KDM3A: variants seen among roughly 807,000 people sequenced by gnomAD.
The protein encoded by KDM3A is lysine demethylase 3A, also known as lysine-specific demethylase 3A.
In KDM3A, 60 loss-of-function variants were observed where a neutral mutation model predicts 158.0. That is an observed-to-expected ratio of 0.38 (90% CI 0.31 to 0.47). The LOEUF is 0.47. Ranked by LOEUF, KDM3A falls within the 20% of genes least tolerant of loss-of-function variation. The pLI, the probability that KDM3A is intolerant of heterozygous loss-of-function variation, is 0.99. For missense variants in KDM3A, 1,319 were observed against 1,574.3 expected, an observed-to-expected ratio of 0.84 and a Z score of 2.74; for synonymous variants, 608 against 549.3, an observed-to-expected ratio of 1.11 and a Z score of -1.49.
rs762229054 is a variant in KDM3A at position 86,442,099 on chromosome 2, C to T, written c.52C>T (p.Leu18Phe). 3.7e-6 allele frequency: 6 copies of T among 1,614,036 alleles called. No individual in the cohort carries two copies. Among genetic ancestry groups the T allele is most frequent in the African/African-American group, 2.7e-5 (2 of 74,930 alleles). The change falls in exon 2 of 26, where the codon CTC becomes TTC. Residue 18 changes from leucine (L) to phenylalanine (F), a missense_variant. By Grantham distance (22) the Leu-to-Phe change is conservative (BLOSUM62 0). Coordinates refer to ENST00000312912, the MANE Select transcript of KDM3A (RefSeq NM_018433.6). ...GCCGGTATTGGTGGGGAGGAGGTTTCTCAGTCTGTCCGCAGCCGACGGCAG... is the reference window on the plus strand; with the variant it reads ...GCCGGTATTGGTGGGGAGGAGGTTTTTCAGTCTGTCCGCAGCCGACGGCAG... ...SWPVLVGRRF[L>F]SLSAADGSDG...
intron 11 of KDM3A, among the ~76,000 whole-genome samples, chr2:86,472,349 CT>C (rs1673457097): frequency 6.6e-6 from 1 of 151,902 alleles, no homozygotes; most frequent in Non-Finnish European, 1.5e-5. Context: ...CATAATTTAA[CT>C]TTTTTCCTGA....
intron 2 of KDM3A, among the ~76,000 whole-genome samples, chr2:86,447,634 A>G (rs763290096): frequency 4.6e-5 from 7 of 152,198 alleles, no homozygotes; most frequent in Non-Finnish European, 1.0e-4. Context: ...ATGCCTAACT[A>G]TGCAATGAGA....
intron 21 of KDM3A, among the ~76,000 whole-genome samples, chr2:86,486,175 T>G (rs1674171612): frequency 6.6e-6 from 1 of 152,224 alleles, no homozygotes; most frequent in African/African-American, 2.4e-5. Flanking sequence ...ATTGAGAGAA[T>G]GTACTTTTAT....
chr2:86,469,972 G>A (rs1252506102), intron 10 of KDM3A, among the ~76,000 whole-genome samples: 1 of 152,164 alleles, frequency 6.6e-6, no homozygotes, highest in African/African-American at 2.4e-5. Flanking sequence ...GGGGTTTTAT[G>A]TTGCCAAATG....
In KDM3A at chr2:86,464,172, G is replaced by C. The variant is rs1443350252; in HGVS notation, c.963G>C (p.Gln321His). The change falls in exon 9 of 26, where the codon CAG becomes CAC. Residue 321 changes from glutamine to histidine, a missense_variant. Gln to His is a conservative substitution (Grantham distance 24). Coordinates refer to ENST00000312912, the MANE Select transcript of KDM3A (RefSeq NM_018433.6). ...ACCCAAGACAGCAAAGTACTCCCCA[G>C]GCTGCCAACTCTCCACCTAACCTTG... is the stretch of plus-strand genomic sequence containing the variant. ...SKDPRQQSTP[Q>H]AANSPPNLGA... 1.9e-6 allele frequency: 3 copies of C among 1,610,898 alleles called. No individual in the cohort carries two copies. The highest frequency in any genetic ancestry group is 2.5e-6 in the Non-Finnish European group (3 of 1,178,042).
Position 86,482,050 on chromosome 2 carries a change from G to A in KDM3A, c.2633G>A (p.Ser878Asn). The A allele has an allele frequency of 6.2e-7, 1 of 1,614,156 alleles. No homozygotes were observed. ...AACAGCACAATTTTGACACCCGTAA[G>A]CAACAACAATTCTGGTTTCCTCCGG... is the stretch of plus-strand genomic sequence containing the variant. ...TFNSTILTPVSNNNSGFLRNL... is the reference protein window; with the variant it reads ...TFNSTILTPVNNNNSGFLRNL... The change falls in exon 17 of 26, where the codon AGC becomes AAC. Residue 878 changes from serine to asparagine, a missense_variant. Ser to Asn is a conservative substitution (Grantham distance 46, BLOSUM62 1). Coordinates refer to ENST00000312912, the MANE Select transcript of KDM3A (RefSeq NM_018433.6).
upstream of KDM3A, among the ~76,000 whole-genome samples, chr2:86,437,446 A>G (rs1456616700): frequency 6.6e-6 from 1 of 152,182 alleles, no homozygotes; most frequent in African/African-American, 2.4e-5. Flanking sequence ...CGGCTTATAT[A>G]TACATTTTTA....
chr2:86,449,982 A>G lies in KDM3A; in HGVS notation c.342+20A>G. On this transcript the variant is annotated intron_variant, in intron 3 of 25. Transcript: ENST00000312912. ...GCAATAGTGAGTAAAACTTGGGCTT[A>G]TTGAACTCCTGAGAAGAGGGCATTT... 1.2e-6 allele frequency: 2 copies of G among 1,600,756 alleles called. No homozygotes were observed. The highest frequency in any genetic ancestry group is 1.7e-6 in the Non-Finnish European group (2 of 1,174,322).
chr2:86,440,300 T>C (rs1682623694), upstream of KDM3A, among the ~76,000 whole-genome samples: 2 of 152,246 alleles, frequency 1.3e-5, no homozygotes, highest in African/African-American at 4.8e-5. Flanking sequence ...CATTCTCTGA[T>C]TATACGTTTC....
chr2:86,477,135 T>C (rs1673692983), intron 12 of KDM3A, among the ~76,000 whole-genome samples: 2 of 152,178 alleles, frequency 1.3e-5, no homozygotes, highest in African/African-American at 4.8e-5. Context: ...CTCCCTCCAG[T>C]TATTAGGTCT....
chr2:86,441,953 G>T, intron 1 of KDM3A, 65 bp from the exon 2 acceptor site: 2 of 1,331,824 alleles, frequency 1.5e-6, no homozygotes, highest in Non-Finnish European at 1.1e-6. Context: ...CGCCCTCCCT[G>T]CTGTCTCCGC....
chr2:86,457,159 A>G (rs999426713), intron 8 of KDM3A, 88 bp downstream of exon 8: 4 of 470,892 alleles, frequency 8.5e-6, no homozygotes, highest in Non-Finnish European at 1.4e-5. Flanking sequence ...TTATTTAATT[A>G]TTTTTATTTT....
chr2:86,478,072 A>G (rs745747573), intron 13 of KDM3A, 43 bp downstream of exon 13: 1 of 1,612,536 alleles, frequency 6.2e-7, no homozygotes, highest in East Asian at 2.2e-5. Flanking sequence ...CTACACAGTT[A>G]AATCAAGTGT....
chr2:86,465,932 T>TAC (rs375409066), intron 9 of KDM3A, among the ~76,000 whole-genome samples: 1 of 95,682 alleles, frequency 1.0e-5, no homozygotes, highest in African/African-American at 4.7e-5. Context: ...CTCTGAAATT[T>TAC]ACACACAAAA....
intron 13 of KDM3A, 21 bp downstream of exon 13, chr2:86,478,050 C>G (rs576119399): frequency 6.2e-7 from 1 of 1,613,860 alleles, no homozygotes; most frequent in Admixed American, 1.7e-5. Context: ...ATTTGATTCT[C>G]CTCCAGCCCC....
chr2:86,480,062 C>G (rs1403791353), intron 15 of KDM3A, 105 bp from the exon 16 acceptor site: 5 of 882,712 alleles, frequency 5.7e-6, no homozygotes, highest in Non-Finnish European at 5.5e-6. Context: ...TGGTTTTGTT[C>G]TGGATATTTA....
At chr2:86,440,164 C>T (rs1213303722), upstream of KDM3A, among the ~76,000 whole-genome samples, 2 of 136,948 alleles carry the variant, frequency 1.5e-5, no homozygotes, top group Non-Finnish European at 3.1e-5. Flanking sequence ...AAATGGTCTA[C>T]AGATTATAAA....
chr2:86,443,237 T>A (rs539539776), intron 2 of KDM3A: 2 of 152,374 alleles, frequency 1.3e-5, no homozygotes, highest in Admixed American at 6.5e-5. Flanking sequence ...GGCCATCATC[T>A]TTGCTTTTTC....
Position 86,485,794 on chromosome 2 carries a change from T to C in KDM3A, c.3248T>C (p.Leu1083Ser). 6.2e-7 allele frequency: 1 copy of C among 1,614,178 alleles called. No individual in the cohort carries two copies. The highest frequency in any genetic ancestry group is 8.5e-7 in the Non-Finnish European group (1 of 1,180,006). Residue 1083 changes from leucine (L) to serine (S), a missense_variant, in exon 21 of 26, where the codon TTG becomes TCG. By Grantham distance (145) the Leu-to-Ser change is moderately radical. Around this residue, in one of 4 missense-constraint regions of KDM3A, gnomAD observed 186 missense variants for 340.9 expected, o/e 0.55. Coordinates refer to ENST00000312912, the MANE Select transcript of KDM3A (RefSeq NM_018433.6). ...ACAAGGCGAGATGGCAAACTGAATT[T>C]GGCCTCTAGGCTGCCAAACTACTTT... The part of the protein sequence containing the change: ...EYTRRDGKLN[L>S]ASRLPNYFVR...
Sources: allele counts gnomAD v4.1 joint callset (sites outside exome capture counted in the v4.1 genomes callset), GRCh38; gene constraint gnomAD v4.1.1; regional missense constraint gnomAD v4.1.1; transcripts MANE v1.5; gene names NCBI Gene and HGNC (gene_info 2026-07-23, HGNC 2026-07-21).